LPP: variants seen among roughly 807,000 people sequenced by gnomAD.
The protein encoded by LPP is lipoma-preferred partner.
In LPP, 38 loss-of-function variants were observed where a neutral mutation model predicts 60.4. The ratio of observed to expected loss-of-function variants is 0.63; its 90% confidence interval spans 0.49 to 0.83. The LOEUF is 0.83. Ranked by LOEUF, LPP falls within the 40% of genes least tolerant of loss-of-function variation. The pLI is 0.00. For synonymous variants in LPP, 328 were observed against 290.8 expected, an observed-to-expected ratio of 1.13 and a Z score of -1.30; for missense variants, 902 against 783.6, an observed-to-expected ratio of 1.15 and a Z score of -1.80.
At chr3:188,306,235 C>T (rs1007619370) in intron 2 of LPP, among the ~76,000 whole-genome samples, 2 of 149,322 alleles carry the variant, frequency 1.3e-5, no homozygotes, top group South Asian at 2.1e-4. Flanking sequence ...TGTGCACCAC[C>T]ATGTCCAGCT....
In LPP at chr3:188,224,060, G is replaced by GT. The variant is rs1716809778; in HGVS notation, c.-189-1344dup. Among the ~76,000 whole-genome samples the GT allele has an allele frequency of 1.3e-5, 2 of 152,216 alleles. 1 individual carries two copies. The highest frequency in any genetic ancestry group is 4.8e-5 in the African/African-American group (2 of 41,532). ...AAATAGGTGTTCGAGGCCTGGATTT[G>GT]TAAGTCCTGGTTTGGCTCTAGGTGT... On this transcript the variant is annotated intron_variant, in intron 1 of 11. Transcript: ENST00000617246.
intron 6 of LPP, among the ~76,000 whole-genome samples, chr3:188,580,229 ATTGT>A (rs1377891623): frequency 6.6e-6 from 1 of 151,664 alleles, no homozygotes; most frequent in Non-Finnish European, 1.5e-5. Flanking sequence ...TCTCAATAGA[ATTGT>A]TTCTCAATTA....
chr3:188,396,005 A>C (rs1305700256), intron 3 of LPP, among the ~76,000 whole-genome samples: 1 of 152,194 alleles, frequency 6.6e-6, no homozygotes, highest in East Asian at 1.9e-4. Flanking sequence ...AAGCTAATTT[A>C]TAGTAGTTCT....
At chr3:188,374,700 C>A (rs1379565849) in intron 3 of LPP, among the ~76,000 whole-genome samples, 1 of 152,098 alleles carries the variant, frequency 6.6e-6, no homozygotes, top group Non-Finnish European at 1.5e-5. Flanking sequence ...CCCTTTATTT[C>A]CTTCTCCTGC....
At position 188,488,581 on chromosome 3, in the gene LPP, G is replaced by T. The variant is rs1807321450; in HGVS notation, c.306+3877G>T. On this transcript the variant is annotated intron_variant, in intron 5 of 11. Transcript: ENST00000617246. ...TATAGCCTTAAAACTTGGCATCATA[G>T]GTTTAATGCTCTGAGTCTCAGCCTT... Among the ~76,000 whole-genome samples the T allele has an allele frequency of 2.0e-5, 3 of 152,138 alleles. No individual in the cohort carries two copies. The South Asian group carries it at 6.2e-4, about 32-fold the overall frequency.
In LPP at chr3:188,887,495, A is replaced by G. The variant is rs2152102979; in HGVS notation, c.*13016A>G. The stretch of plus-strand genomic sequence containing the variant: ...AAATGCCAACGACAGGAATGGCCTC[A>G]TGTTTTAACTTTCAAATAATAAATG... On this transcript the variant is annotated 3_prime_UTR_variant, in exon 12 of 12. Transcript: ENST00000617246. The G allele has an allele frequency of 9.2e-6, 2 of 217,056 alleles. No homozygotes were observed. The highest frequency in any genetic ancestry group is 1.5e-3 in the Middle Eastern group (1 of 688). The allele number at this position is 217,056 out of a possible 1,614,324, so 13.4% of individuals were successfully genotyped here.
At chr3:188,601,146 A>G (rs1841080109) in intron 6 of LPP, among the ~76,000 whole-genome samples, 1 of 152,126 alleles carries the variant, frequency 6.6e-6, no homozygotes. Context: ...TTGCCAGATT[A>G]TTGATATATT....
chr3:188,271,170 G>C (rs1737605252), intron 2 of LPP, among the ~76,000 whole-genome samples: 1 of 152,142 alleles, frequency 6.6e-6, no homozygotes, highest in Non-Finnish European at 1.5e-5. Flanking sequence ...AGTATGTTTT[G>C]GATGCATTAT....
rs980846491 is a variant in LPP, at chr3:188,572,506, A to G, written c.430-36655A>G. Among the ~76,000 whole-genome samples, 2 of 152,048 alleles carry G rather than the reference A, an allele frequency of 1.3e-5. No individual in the cohort carries two copies. Among genetic ancestry groups the G allele is most frequent in the Non-Finnish European group, 2.9e-5 (2 of 68,006 alleles). ...GGCTTTTTAATGTGAGCAGAGTGCA[A>G]TGAAAGAATATTTTGGATTGACCAA... On this transcript the variant is annotated intron_variant, in intron 6 of 11. Coordinates refer to ENST00000617246, the MANE Select transcript of LPP (RefSeq NM_001375462.1). The surrounding 1 kb of genome is among the most constrained non-coding windows in gnomAD (Gnocchi z 4.1).
intron 6 of LPP, among the ~76,000 whole-genome samples, chr3:188,591,116 A>G (rs1302180809): frequency 6.6e-6 from 1 of 152,178 alleles, no homozygotes; most frequent in Non-Finnish European, 1.5e-5. Flanking sequence ...ATTTCTTGGA[A>G]TTTTGGTCTG....
At chr3:188,671,235 C>T (rs2149256977) in intron 7 of LPP, among the ~76,000 whole-genome samples, 1 of 152,278 alleles carries the variant, frequency 6.6e-6, no homozygotes, top group South Asian at 2.1e-4. Flanking sequence ...TTCCTTTGTC[C>T]TATCCCCATA....
chr3:188,795,341 T>C (rs1395988983), intron 9 of LPP, among the ~76,000 whole-genome samples: 1 of 152,190 alleles, frequency 6.6e-6, no homozygotes, highest in African/African-American at 2.4e-5. Context: ...TTTATTTTTG[T>C]CTGACAAAAA....
chr3:188,643,720 A>C (rs2148846501), intron 7 of LPP, among the ~76,000 whole-genome samples: 1 of 152,244 alleles, frequency 6.6e-6, no homozygotes, highest in Non-Finnish European at 1.5e-5. Flanking sequence ...GACACCCCTG[A>C]GCCATCACTT....
chr3:188,727,691 T>C (rs1718932582), intron 8 of LPP, among the ~76,000 whole-genome samples: 1 of 152,162 alleles, frequency 6.6e-6, no homozygotes, highest in African/African-American at 2.4e-5. Context: ...GCATTGACCA[T>C]GTGCCAAGCA....
chr3:188,370,819 C>T (rs1772822735), intron 3 of LPP, among the ~76,000 whole-genome samples: 1 of 152,202 alleles, frequency 6.6e-6, no homozygotes, highest in Non-Finnish European at 1.5e-5. Flanking sequence ...GGCTCTTTCA[C>T]TTTCTACATG....
intron 9 of LPP, among the ~76,000 whole-genome samples, chr3:188,806,478 C>T (rs1489934459): frequency 1.3e-5 from 2 of 151,700 alleles, no homozygotes; most frequent in South Asian, 2.1e-4. Flanking sequence ...TAGACAGATA[C>T]GTCTTTCATT....
chr3:188,791,498 A>G (rs2151023437), intron 9 of LPP, among the ~76,000 whole-genome samples: 1 of 151,494 alleles, frequency 6.6e-6, no homozygotes, highest in South Asian at 2.1e-4. Flanking sequence ...TTCTGAATGA[A>G]TAGGCTCCAG....
intron 8 of LPP, among the ~76,000 whole-genome samples, chr3:188,719,265 C>G (rs1332625411): frequency 6.6e-6 from 1 of 152,160 alleles, no homozygotes; most frequent in Non-Finnish European, 1.5e-5. Flanking sequence ...TTCTTCTGTT[C>G]TAATCTAATT....
At chr3:188,326,258 A>G (rs1758404767) in intron 2 of LPP, among the ~76,000 whole-genome samples, 2 of 152,172 alleles carry the variant, frequency 1.3e-5, no homozygotes, top group African/African-American at 2.4e-5. Flanking sequence ...AACCTTTATT[A>G]TTATGGACTC....
Sources: allele counts gnomAD v4.1 joint callset (sites outside exome capture counted in the v4.1 genomes callset), GRCh38; gene constraint gnomAD v4.1.1; non-coding constraint Gnocchi (gnomAD v3.1); transcripts MANE v1.5; gene names NCBI Gene and HGNC (gene_info 2026-07-23, HGNC 2026-07-21).